RCAN1: variants seen among roughly 807,000 people sequenced by gnomAD.
RCAN1 encodes the protein calcipressin-1.
Under a neutral mutation model 22.9 loss-of-function variants are expected in RCAN1, and 11 were observed. The ratio of observed to expected loss-of-function variants is 0.48; its 90% CI spans 0.30 to 0.79. The LOEUF is 0.79. Ranked by LOEUF, RCAN1 falls within the 30% of genes least tolerant of loss-of-function variation. The probability of loss-of-function intolerance (pLI) is 0.06; values close to 1 mark genes in which losing one functional copy is unlikely to be tolerated. For missense variants in RCAN1, 291 were observed against 337.8 expected, an observed-to-expected ratio of 0.86 and a Z score of 1.09; for synonymous variants, 136 against 142.3, an observed-to-expected ratio of 0.96 and a Z score of 0.32.
At chr21:34,549,724 T>A (rs1160807965) in intron 1 of RCAN1, among the ~76,000 whole-genome samples, 1 of 152,206 alleles carries the variant, frequency 6.6e-6, no homozygotes, top group African/African-American at 2.4e-5. Context: ...CCTCAATGGC[T>A]GATGTTCTGA....
chr21:34,564,215 C>G (rs1986921519), intron 1 of RCAN1, among the ~76,000 whole-genome samples: 1 of 152,138 alleles, frequency 6.6e-6, no homozygotes, highest in Non-Finnish European at 1.5e-5. Flanking sequence ...ACGATCTGAC[C>G]ACCTCCACCT....
intron 1 of RCAN1, among the ~76,000 whole-genome samples, chr21:34,594,882 G>T (rs1339664300): frequency 6.6e-6 from 1 of 152,180 alleles, no homozygotes; most frequent in Non-Finnish European, 1.5e-5. Flanking sequence ...ACGAAATGGG[G>T]GACCAGGGTG....
chr21:34,549,017 A>AG (rs549674088), intron 1 of RCAN1, among the ~76,000 whole-genome samples: 213 of 152,338 alleles, frequency 1.4e-3, no homozygotes, highest in African/African-American at 5.0e-3. Flanking sequence ...CACCCAGGAT[A>AG]GGGACTATGA....
intron 1 of RCAN1, among the ~76,000 whole-genome samples, chr21:34,541,656 C>T (rs966934711): frequency 1.3e-5 from 2 of 152,204 alleles, no homozygotes; most frequent in East Asian, 3.8e-4. Flanking sequence ...ATTCACGGGG[C>T]GGGAGCGATG....
chr21:34,564,726 A>G (rs1986940657), intron 1 of RCAN1, among the ~76,000 whole-genome samples: 1 of 152,144 alleles, frequency 6.6e-6, no homozygotes, highest in South Asian at 2.1e-4. Flanking sequence ...CATAACTATA[A>G]ATATACATAT....
At chr21:34,594,650 A>G (rs1232004116) in intron 1 of RCAN1, among the ~76,000 whole-genome samples, 1 of 152,166 alleles carries the variant, frequency 6.6e-6, no homozygotes, top group East Asian at 1.9e-4. Context: ...GACAGTCGTA[A>G]TGTGAGGAGC....
intron 1 of RCAN1, among the ~76,000 whole-genome samples, chr21:34,547,168 T>C (rs2834522): frequency 0.24 from 36,784 of 151,996 alleles, 5,192 homozygotes; most frequent in African/African-American, 0.39. Flanking sequence ...AGGGTTCGGG[T>C]TCCACGTCAC....
At chr21:34,549,848 C>T (rs946482743) in intron 1 of RCAN1, among the ~76,000 whole-genome samples, 5 of 152,158 alleles carry the variant, frequency 3.3e-5, no homozygotes, top group African/African-American at 1.2e-4. Flanking sequence ...CAGGCACTGA[C>T]CATGCCAGCT....
intron 1 of RCAN1, among the ~76,000 whole-genome samples, chr21:34,540,190 T>C (rs1985850999): frequency 6.6e-6 from 1 of 152,210 alleles, no homozygotes; most frequent in African/African-American, 2.4e-5. Context: ...TTGTTTAATA[T>C]ATAAGGCCTT....
At chr21:34,521,206 G>A (rs1568878406) in intron 3 of RCAN1, 8 of 1,387,408 alleles carry the variant, frequency 5.8e-6, no homozygotes, top group Admixed American at 6.4e-5. Context: ...GGCCTCCCAC[G>A]CAGGCTGTGC....
intron 1 of RCAN1, among the ~76,000 whole-genome samples, chr21:34,549,495 C>CA (rs1336791869): frequency 6.6e-6 from 1 of 152,074 alleles, no homozygotes; most frequent in East Asian, 1.9e-4. Context: ...CCGAGGATCC[C>CA]AAAATGAAAA....
At chr21:34,578,133 C>T (rs8130447) in intron 1 of RCAN1, among the ~76,000 whole-genome samples, 114,803 of 152,050 alleles carry the variant, frequency 0.76, 43,551 homozygotes, top group East Asian at 0.95. Flanking sequence ...AGCATGAAGG[C>T]CACATGCAAA....
intron 1 of RCAN1, among the ~76,000 whole-genome samples, chr21:34,555,350 G>A (rs1986518138): frequency 6.6e-6 from 1 of 152,142 alleles, no homozygotes; most frequent in Non-Finnish European, 1.5e-5. Context: ...CTTTATTTTT[G>A]TTAAGTGTCC....
At chr21:34,519,279 G>T (rs1476736863) in intron 3 of RCAN1, among the ~76,000 whole-genome samples, 1 of 152,210 alleles carries the variant, frequency 6.6e-6, no homozygotes, top group African/African-American at 2.4e-5. Context: ...TGAAATAGGG[G>T]CAGGAGGTTT....
intron 1 of RCAN1, among the ~76,000 whole-genome samples, chr21:34,532,114 G>T (rs995884705): frequency 6.6e-6 from 1 of 152,114 alleles, no homozygotes; most frequent in Non-Finnish European, 1.5e-5. Flanking sequence ...AGGCATCGGG[G>T]TAAAGAGGAC....
intron 1 of RCAN1, among the ~76,000 whole-genome samples, chr21:34,531,716 C>T (rs1489352501): frequency 6.6e-6 from 1 of 152,154 alleles, no homozygotes; most frequent in Admixed American, 6.6e-5. Context: ...GCCAGTGCTG[C>T]TCTCACTTTT....
At position 34,518,128 on chromosome 21, in the gene RCAN1, T is replaced by A. The variant is rs766626614; in HGVS notation, c.715A>T (p.Ile239Phe). Residue 239 changes from isoleucine to phenylalanine, a missense_variant, in exon 4 of 4, where the codon ATC becomes TTC. Physicochemically the swap from Ile to Phe is conservative, Grantham distance 21. Coordinates refer to ENST00000313806, the MANE Select transcript of RCAN1 (RefSeq NM_004414.7). This position sits in a 1 kb window ranked among gnomAD's most constrained non-coding sequence, Gnocchi z 4.2. ...ERMRRPKPKI[I>F]QTRRPEYTPI... ...GTGTACTCCGGCCTCCTGGTCTGGATAATTTTTGGCTTAGGTCTCCTCATT... is the reference window on the plus strand; with the variant it reads ...GTGTACTCCGGCCTCCTGGTCTGGAAAATTTTTGGCTTAGGTCTCCTCATT... 6.2e-7 allele frequency: 1 copy of A among 1,614,226 alleles called. No homozygotes were observed. The highest frequency in any genetic ancestry group is 2.2e-5 in the East Asian group (1 of 44,882).
intron 1 of RCAN1, among the ~76,000 whole-genome samples, chr21:34,584,673 C>T (rs1326733257): frequency 6.6e-6 from 1 of 152,154 alleles, no homozygotes; most frequent in Non-Finnish European, 1.5e-5. Context: ...CTACAAAGGA[C>T]ACAGAGGACG....
Position 34,552,088 on chromosome 21 carries a change from G to C in RCAN1, c.253-28378C>G, listed in dbSNP as rs1000864106. On this transcript the variant is annotated intron_variant, in intron 1 of 3. Coordinates refer to ENST00000313806, the MANE Select transcript of RCAN1 (RefSeq NM_004414.7). Reference sequence around the variant, plus strand: ...GTTCCTCACTCCTGCTGGAGGGCTGGTGTTTATATGATGTAGAGAGGTTTG... The same window carrying C: ...GTTCCTCACTCCTGCTGGAGGGCTGCTGTTTATATGATGTAGAGAGGTTTG... Among the ~76,000 whole-genome samples the C allele has an allele frequency of 2.6e-5, 4 of 152,120 alleles. No homozygotes were observed. The East Asian group carries it at 7.7e-4, about 29-fold the overall frequency.
Sources: allele counts gnomAD v4.1 joint callset (sites outside exome capture counted in the v4.1 genomes callset), GRCh38; gene constraint gnomAD v4.1.1; non-coding constraint Gnocchi (gnomAD v3.1); transcripts MANE v1.5; gene names NCBI Gene and HGNC (gene_info 2026-07-23, HGNC 2026-07-21).